Variants in SLC7A14 observed in about 807,000 individuals in gnomAD.
SLC7A14 encodes the protein solute carrier family 7 member 14.
In SLC7A14, 37 loss-of-function variants were observed where a neutral mutation model predicts 60.2. That is an observed-to-expected ratio of 0.61 (90% confidence interval 0.47 to 0.81). The LOEUF is 0.81. SLC7A14 is among the 30% of genes least tolerant of loss of function. The pLI is 0.00. For synonymous variants in SLC7A14, 399 were observed against 395.8 expected (o/e 1.01, Z -0.10); for missense variants, 886 against 982.7 (o/e 0.90, Z 1.32).
chr3:170,495,769 G>A (rs949368370), intron 4 of SLC7A14: 7 of 1,167,214 alleles, frequency 6.0e-6, no homozygotes, highest in African/African-American at 1.5e-5. Flanking sequence ...GACAAGGTAC[G>A]GTTCCTGCAG....
intron 6 of SLC7A14, among the ~76,000 whole-genome samples, chr3:170,481,642 C>T (rs544824606): frequency 1.3e-5 from 2 of 152,258 alleles, no homozygotes; most frequent in East Asian, 3.9e-4. Flanking sequence ...CCTCATGATT[C>T]ACCCACCTCA....
At chr3:170,549,214 CTTTTTTTT>C (rs113114531) in intron 1 of SLC7A14, among the ~76,000 whole-genome samples, 2 of 129,514 alleles carry the variant, frequency 1.5e-5, no homozygotes, top group African/African-American at 6.0e-5. Flanking sequence ...CGGCCTTCTT[CTTTTTTTT>C]TTTTTTTTTT....
At chr3:170,470,308 ATGTGTGTGTGTGTGTGTGTGTG>A (rs60682275) in intron 7 of SLC7A14, among the ~76,000 whole-genome samples, 1 of 143,594 alleles carries the variant, frequency 7.0e-6, no homozygotes, top group African/African-American at 2.6e-5. Flanking sequence ...TGGAAGGAAC[ATGTGTGTGTGTGTGTGTGTGTG>A]TGTGTGTGTA....
chr3:170,550,466 G>A (rs563607742), intron 1 of SLC7A14, among the ~76,000 whole-genome samples: 3 of 141,290 alleles, frequency 2.1e-5, no homozygotes, highest in South Asian at 2.2e-4. Flanking sequence ...AATGGTAAAC[G>A]ACTCTTGTAA....
chr3:170,503,882 G>T (rs570984237), intron 2 of SLC7A14, among the ~76,000 whole-genome samples: 2 of 152,222 alleles, frequency 1.3e-5, no homozygotes, highest in Non-Finnish European at 2.9e-5. Flanking sequence ...CTGAATCAGA[G>T]AAAGAGGCCC....
chr3:170,577,389 C>T (rs537224236), intron 1 of SLC7A14, among the ~76,000 whole-genome samples: 3 of 151,870 alleles, frequency 2.0e-5, no homozygotes, highest in African/African-American at 2.4e-5. Flanking sequence ...GAGGCCGAGG[C>T]GGGTGGATCA....
At chr3:170,481,190 G>T (rs1282816375) in intron 6 of SLC7A14, 24 bp from the exon 7 acceptor site, 2 of 1,600,990 alleles carry the variant, frequency 1.2e-6, no homozygotes. Context: ...GCAAGCAGAG[G>T]GTTAATGGTG....
At chr3:170,520,020 C>T (rs1310990267) in intron 2 of SLC7A14, among the ~76,000 whole-genome samples, 1 of 152,194 alleles carries the variant, frequency 6.6e-6, no homozygotes, top group African/African-American at 2.4e-5. Flanking sequence ...GTTTCTTGTA[C>T]ACAGGACAGA....
chr3:170,534,335 C>CT (rs1713772501), intron 1 of SLC7A14, among the ~76,000 whole-genome samples: 1 of 152,156 alleles, frequency 6.6e-6, no homozygotes. Flanking sequence ...GTCTCTACTG[C>CT]TTGTGCTGGG....
chr3:170,469,126 C>A (rs995078941), intron 7 of SLC7A14, among the ~76,000 whole-genome samples: 8 of 152,194 alleles, frequency 5.3e-5, no homozygotes, highest in Non-Finnish European at 7.3e-5. Flanking sequence ...CTTCCCGGGC[C>A]CTAACATCCT....
At chr3:170,563,577 C>T (rs545164152) in intron 1 of SLC7A14, among the ~76,000 whole-genome samples, 11 of 151,962 alleles carry the variant, frequency 7.2e-5, no homozygotes, top group Admixed American at 3.9e-4. Flanking sequence ...ACCATCATGC[C>T]CAGCTAATTT....
Position 170,467,118 on chromosome 3 carries a change from G to T in SLC7A14, c.2253C>A (p.Ser751Arg), listed in dbSNP as rs779097548. 1.2e-6 allele frequency: 2 copies of T among 1,613,750 alleles called. No individual in the cohort carries two copies. Among genetic ancestry groups the T allele is most frequent in the Admixed American group, 3.3e-5 (2 of 60,028 alleles). Residue 751 changes from serine to arginine, a missense_variant, in exon 8 of 8, where the codon AGC (serine) becomes AGA (arginine). Transcript: ENST00000231706. ...GGGCCTCTGAGTTCTGTTTGTGTTTGCTTTTGCTCTTCGCTTTGCTACTTG... is the reference window on the plus strand; with the variant it reads ...GGGCCTCTGAGTTCTGTTTGTGTTTTCTTTTGCTCTTCGCTTTGCTACTTG... ...GRTSSKAKSK[S>R]KHKQNSEALI...
intron 1 of SLC7A14, among the ~76,000 whole-genome samples, chr3:170,549,416 T>A (rs1266600919): frequency 6.6e-6 from 1 of 152,108 alleles, no homozygotes; most frequent in East Asian, 1.9e-4. Flanking sequence ...GGTTTCACCA[T>A]GTTGGCCAGG....
chr3:170,510,622 TTGA>T (rs1712949891), intron 2 of SLC7A14, among the ~76,000 whole-genome samples: 2 of 152,150 alleles, frequency 1.3e-5, no homozygotes, highest in Non-Finnish European at 2.9e-5. Context: ...ATGATGGTAA[TTGA>T]TGATGATGGT....
At chr3:170,494,991 C>T (rs368269153) in intron 4 of SLC7A14, among the ~76,000 whole-genome samples, 10 of 152,176 alleles carry the variant, frequency 6.6e-5, no homozygotes, top group African/African-American at 2.2e-4. Flanking sequence ...AGTTTCGCAG[C>T]CTCTATGAGG....
intron 2 of SLC7A14, among the ~76,000 whole-genome samples, chr3:170,509,236 A>G (rs1228413432): frequency 1.3e-5 from 2 of 152,198 alleles, no homozygotes; most frequent in African/African-American, 4.8e-5. Context: ...TGTGTCTAAG[A>G]AGAGACTTAT....
intron 2 of SLC7A14, among the ~76,000 whole-genome samples, chr3:170,522,788 A>G (rs926332533): frequency 6.6e-6 from 1 of 152,196 alleles, no homozygotes; most frequent in Non-Finnish European, 1.5e-5. Flanking sequence ...GCATTTTATG[A>G]TATGTAATTA....
intron 2 of SLC7A14, chr3:170,502,766 C>CT (rs1712655634): frequency 6.6e-6 from 1 of 152,216 alleles, no homozygotes; most frequent in South Asian, 2.1e-4. Context: ...AGCAATGGCA[C>CT]AATAAATGAT....
chr3:170,506,053 A>G (rs1712771785), intron 2 of SLC7A14, among the ~76,000 whole-genome samples: 1 of 152,238 alleles, frequency 6.6e-6, no homozygotes, highest in African/African-American at 2.4e-5. Flanking sequence ...AGGGAGAGGC[A>G]TATTGATTTC....
Sources: gnomAD v4.1 joint callset for allele counts (sites outside exome capture counted in the v4.1 genomes callset) on GRCh38, gnomAD v4.1.1 for gene constraint, MANE v1.5 for transcripts, NCBI Gene and HGNC (gene_info 2026-07-23, HGNC 2026-07-21) for gene names.